PCGF5: variants seen among roughly 807,000 people sequenced by gnomAD.
PCGF5 encodes the protein polycomb group RING finger protein 5.
In PCGF5, 9 loss-of-function variants were observed where a neutral mutation model predicts 44.3. The ratio of observed to expected loss-of-function variants is 0.20; its 90% CI spans 0.12 to 0.35. The LOEUF is 0.35. Among genes scored for constraint, PCGF5 ranks in the 10% least tolerant of loss-of-function variants. The probability of loss-of-function intolerance (pLI) is 1.00; values close to 1 mark genes in which losing one functional copy is unlikely to be tolerated. For missense variants in PCGF5, 146 were observed against 305.3 expected, an observed-to-expected ratio of 0.48 and a Z score of 3.89; for synonymous variants, 95 against 102.5, an observed-to-expected ratio of 0.93 and a Z score of 0.44.
Position 91,278,283 on chromosome 10 carries a change from A to T in PCGF5, c.738A>T (p.Val246=). The T allele has an allele frequency of 1.2e-6, 2 of 1,609,866 alleles. No individual in the cohort carries two copies. Among genetic ancestry groups the T allele is most frequent in the Non-Finnish European group, 1.7e-6 (2 of 1,176,120 alleles). ...DGPLYQSYPM[V]LQYRPRIDFG is the part of the protein sequence containing the mutation. Reference sequence around the variant, plus strand: ...TTATTTTGTAGTCATACCCTATGGTACTGCAGTATCGACCAAGAATTGATT... The same window carrying T: ...TTATTTTGTAGTCATACCCTATGGTTCTGCAGTATCGACCAAGAATTGATT... The change falls in exon 10 of 10, where the codon GTA becomes GTT. Residue 246 remains valine (V), a synonymous_variant. Transcript: ENST00000336126.
At chr10:91,208,747 A>G (rs2133247844) in intron 1 of PCGF5, among the ~76,000 whole-genome samples, 1 of 152,292 alleles carries the variant, frequency 6.6e-6, no homozygotes, top group South Asian at 2.1e-4. Flanking sequence ...CTTATTTTGC[A>G]TTTCTCTTGA....
chr10:91,246,787 A>C (rs1845469867), intron 3 of PCGF5, among the ~76,000 whole-genome samples: 1 of 152,196 alleles, frequency 6.6e-6, no homozygotes, highest in Non-Finnish European at 1.5e-5. Flanking sequence ...ATTTAGTTTA[A>C]AAAAAGCGAG....
At chr10:91,175,186 C>A (rs11186482) in intron 1 of PCGF5, among the ~76,000 whole-genome samples, 1 of 152,130 alleles carries the variant, frequency 6.6e-6, no homozygotes, top group Non-Finnish European at 1.5e-5. Context: ...AAGATGAAGT[C>A]TTTAACAGAG....
intron 1 of PCGF5, among the ~76,000 whole-genome samples, chr10:91,166,092 C>T (rs1046673516): frequency 2.0e-5 from 3 of 152,302 alleles, no homozygotes; most frequent in African/African-American, 7.2e-5. Flanking sequence ...AATCCCTTCA[C>T]TAAAGAAACT....
At chr10:91,188,167 A>G (rs142309734) in intron 1 of PCGF5, among the ~76,000 whole-genome samples, 10,435 of 152,234 alleles carry the variant, frequency 0.069, 982 homozygotes, top group African/African-American at 0.21. Context: ...CATCTGAGGT[A>G]CTGGGTTCAT....
chr10:91,272,135 G>C (rs546309271), intron 9 of PCGF5, among the ~76,000 whole-genome samples: 1 of 152,314 alleles, frequency 6.6e-6, no homozygotes, highest in East Asian at 1.9e-4. Flanking sequence ...CCCTTCCCTA[G>C]TACTTTACTT....
In PCGF5 at chr10:91,195,404, G is replaced by T. The variant is rs969955151; in HGVS notation, c.-183-27285G>T. On this transcript the variant is annotated intron_variant, in intron 1 of 9. Transcript: ENST00000614189. ...CCTAGAAGATCACTTGCCTTAGAGG[G>T]TTAATAATATTCTTAAATAATTGAA... Among the ~76,000 whole-genome samples, 5 of 151,218 alleles carry T rather than the reference G, an allele frequency of 3.3e-5. No individual in the cohort carries two copies. In the South Asian group the frequency reaches 6.3e-4, roughly 19 times the overall value.
At chr10:91,199,853 G>A (rs1465378517) in intron 1 of PCGF5, among the ~76,000 whole-genome samples, 2 of 152,202 alleles carry the variant, frequency 1.3e-5, no homozygotes, top group Non-Finnish European at 2.9e-5. Flanking sequence ...AAGAATTTGA[G>A]AGTAAGTGGT....
chr10:91,240,674 AC>A, intron 3 of PCGF5, 94 bp downstream of exon 3: 2 of 748,948 alleles, frequency 2.7e-6, no homozygotes, highest in Non-Finnish European at 2.2e-6. Flanking sequence ...TGTTGTCTTG[AC>A]TCAGTTAATA....
chr10:91,200,488 T>C (rs1038231038), intron 1 of PCGF5, among the ~76,000 whole-genome samples: 1 of 152,250 alleles, frequency 6.6e-6, no homozygotes, highest in Non-Finnish European at 1.5e-5. Context: ...TAAGCATTAA[T>C]ATCAACAGGT....
At chr10:91,253,116 T>A (rs2133385063) in intron 6 of PCGF5, among the ~76,000 whole-genome samples, 1 of 152,130 alleles carries the variant, frequency 6.6e-6, no homozygotes, top group Non-Finnish European at 1.5e-5. Context: ...TATGTCCTAA[T>A]ACTTTCTCTG....
At chr10:91,196,671 G>A (rs143609513) in intron 1 of PCGF5, among the ~76,000 whole-genome samples, 96 of 152,204 alleles carry the variant, frequency 6.3e-4, no homozygotes, top group African/African-American at 2.2e-3. Context: ...TATTTCAGAG[G>A]GTGACAAATG....
intron 8 of PCGF5, among the ~76,000 whole-genome samples, chr10:91,268,337 G>A (rs1352433202): frequency 2.0e-5 from 3 of 152,158 alleles, no homozygotes; most frequent in Admixed American, 6.6e-5. Flanking sequence ...ATGTGTATTA[G>A]TACCTATTAG....
intron 9 of PCGF5, among the ~76,000 whole-genome samples, chr10:91,274,123 A>ATG (rs1250618792): frequency 6.6e-6 from 1 of 151,950 alleles, no homozygotes; most frequent in African/African-American, 2.4e-5. Flanking sequence ...GTATGTATAT[A>ATG]TATATGTAAT....
chr10:91,278,256 CTT>C lies in PCGF5; in HGVS notation c.724-11_724-10del, dbSNP rs1424239291. On this transcript the variant is annotated splice_polypyrimidine_tract_variant and intron_variant, in intron 9 of 9. Coordinates refer to ENST00000336126, the MANE Select transcript of PCGF5 (RefSeq NM_032373.5). Reference sequence around the variant, plus strand: ...AAATACAGTCTTATTTATTATCTGTCTTTATTTTGTAGTCATACCCTATGGTA... The same window carrying C: ...AAATACAGTCTTATTTATTATCTGTCTATTTTGTAGTCATACCCTATGGTA... 1 of 1,593,850 alleles carries C rather than the reference CTT, an allele frequency of 6.3e-7. No individual in the cohort carries two copies. The highest frequency in any genetic ancestry group is 1.3e-5 in the African/African-American group (1 of 74,382).
chr10:91,261,003 A>T (rs1034677990), intron 6 of PCGF5, among the ~76,000 whole-genome samples: 6 of 151,360 alleles, frequency 4.0e-5, no homozygotes, highest in Admixed American at 2.0e-4. Context: ...AAATATATAT[A>T]TTTTTATGCT....
intron 2 of PCGF5, among the ~76,000 whole-genome samples, chr10:91,225,048 T>G (rs1382724633): frequency 6.6e-6 from 1 of 152,018 alleles, no homozygotes; most frequent in African/African-American, 2.4e-5. Context: ...CGCATTTCTA[T>G]CTATATGCTA....
chr10:91,194,432 G>A (rs1167535804), intron 1 of PCGF5, among the ~76,000 whole-genome samples: 1 of 152,172 alleles, frequency 6.6e-6, no homozygotes, highest in African/African-American at 2.4e-5. Flanking sequence ...AAGGAATGTG[G>A]GTGGCTGCTA....
intron 1 of PCGF5, among the ~76,000 whole-genome samples, chr10:91,171,415 A>T (rs2133169278): frequency 6.6e-6 from 1 of 152,298 alleles, no homozygotes; most frequent in Non-Finnish European, 1.5e-5. Flanking sequence ...GGGTTTGCGC[A>T]GTGGGGAGCC....
Sources: gnomAD v4.1 joint callset for allele counts (sites outside exome capture counted in the v4.1 genomes callset) on GRCh38, gnomAD v4.1.1 for gene constraint, MANE v1.5 for transcripts, NCBI Gene and HGNC (gene_info 2026-07-23, HGNC 2026-07-21) for gene names.